The following ENAH variants were observed in gnomAD, a reference collection of about 807,000 sequenced individuals.
ENAH encodes the protein protein enabled homolog.
ENAH carries 23 observed loss-of-function variants against 78.7 expected under a neutral mutation model. The observed-to-expected ratio is 0.29, with a 90% CI of 0.21 to 0.41. The LOEUF is 0.41. Ranked by LOEUF, ENAH falls within the 10% of genes least tolerant of loss-of-function variation. ENAH has a pLI of 1.00. For missense variants in ENAH, 544 were observed against 691.0 expected, an observed-to-expected ratio of 0.79 and a Z score of 2.39; for synonymous variants, 226 against 241.0, an observed-to-expected ratio of 0.94 and a Z score of 0.58.
intron 4 of ENAH, among the ~76,000 whole-genome samples, chr1:225,520,910 AAGGAAGGG>A (rs2096461711): frequency 1.1e-3 from 120 of 111,350 alleles, no homozygotes; most frequent in African/African-American, 3.5e-3. Flanking sequence ...AAAAGAAGGG[AAGGAAGGG>A]AGGAAGGGAG....
rs1174928936 is a variant in ENAH at position 225,496,237 on chromosome 1, G to T, written c.*1538C>A. 6.6e-6 allele frequency: 1 copy of T among 152,382 alleles called. No homozygotes were observed. Among genetic ancestry groups the T allele is most frequent in the African/African-American group, 2.4e-5 (1 of 41,454 alleles). The allele number at this position is 152,382 out of a possible 1,614,324, so 9.4% of individuals were successfully genotyped here. A position where few individuals can be genotyped will look rare whatever the true frequency, so the allele number is the denominator to read the frequency against. ...CTATTTTAACCTTACCAGTTTCAAA[G>T]GAAAGAAAAGGGAGTGGCTTCCATA... is the stretch of plus-strand genomic sequence containing the variant. On this transcript the variant is annotated 3_prime_UTR_variant, in exon 14 of 14. Transcript: ENST00000366843.
rs535035689 is a variant in ENAH at position 225,519,528 on chromosome 1, G to A, written c.472C>T (p.Arg158Trp). 2.4e-5 allele frequency: 39 copies of A among 1,607,860 alleles called. No homozygotes were observed. Among genetic ancestry groups the A allele is most frequent in the Non-Finnish European group, 2.8e-5 (33 of 1,178,794 alleles). Reference sequence around the variant, plus strand: ...ATTCTTTCTCGCTCCAGCCTTTCCCGCTCCAGCTCCTTTTGCCGTTGCTGT... The same window carrying A: ...ATTCTTTCTCGCTCCAGCCTTTCCCACTCCAGCTCCTTTTGCCGTTGCTGT... ...QEQQRQKELE[R>W]ERLERERMER... is the part of the protein sequence containing the mutation. Residue 158 changes from arginine to tryptophan, a missense_variant, in exon 5 of 14, where the codon CGG becomes TGG. Physicochemically the swap from Arg to Trp is moderately radical, Grantham distance 101. This residue lies in a region of ENAH where 366 missense variants were observed against 396.1 expected (regional missense o/e 0.92). Coordinates refer to ENST00000366843, the MANE Select transcript of ENAH (RefSeq NM_018212.6).
chr1:225,632,968 C>T (rs1659367285), intron 1 of ENAH, among the ~76,000 whole-genome samples: 3 of 152,094 alleles, frequency 2.0e-5, no homozygotes, highest in South Asian at 2.1e-4. Flanking sequence ...TGGTGGCTTA[C>T]GGACTGGAAG....
chr1:225,565,991 A>G (rs1485634655), intron 2 of ENAH, among the ~76,000 whole-genome samples: 1 of 152,200 alleles, frequency 6.6e-6, no homozygotes, highest in Non-Finnish European at 1.5e-5. Context: ...CTTTCCACAG[A>G]TTGACTCAGA....
Position 225,514,705 on chromosome 1 carries a change from G to T in ENAH, c.1109C>A (p.Pro370Gln), listed in dbSNP as rs772926115. ...AAAGAATCCAGATGCAGGGAGGGGT[G>T]GGGCAGGAGGTGGTGGAGGAGGAGG... The part of the protein sequence containing the change: ...VPPPPPPPPA[P>Q]PLPASGFFLA... The change falls in exon 7 of 14, where the codon CCA becomes CAA. Residue 370 changes from proline to glutamine, a missense_variant. Pro to Gln is a moderately conservative substitution (Grantham distance 76, BLOSUM62 -1). Transcript: ENST00000366843. 1 of 1,590,502 alleles carries T rather than the reference G, an allele frequency of 6.3e-7. No individual in the cohort carries two copies. Among genetic ancestry groups the T allele is most frequent in the South Asian group, 1.1e-5 (1 of 90,378 alleles).
At chr1:225,501,259 G>T in intron 11 of ENAH, 189 bp from the exon 12 acceptor site, 1 of 481,820 alleles carries the variant, frequency 2.1e-6, no homozygotes, top group South Asian at 4.4e-5. Context: ...ACTTTTCTCA[G>T]TATTTCTTAT....
At chr1:225,627,911 A>G (rs528755754) in intron 1 of ENAH, among the ~76,000 whole-genome samples, 1 of 139,440 alleles carries the variant, frequency 7.2e-6, no homozygotes, top group Non-Finnish European at 1.6e-5. Flanking sequence ...ACCAACTTAT[A>G]AACATACACT....
At chr1:225,591,548 C>T (rs1023821575) in intron 1 of ENAH, among the ~76,000 whole-genome samples, 59 of 150,162 alleles carry the variant, frequency 3.9e-4, no homozygotes, top group African/African-American at 1.4e-3. Context: ...GGGCGGATCA[C>T]GAGGTCAGGA....
At chr1:225,536,705 A>C (rs1391962452) in intron 3 of ENAH, among the ~76,000 whole-genome samples, 1 of 152,066 alleles carries the variant, frequency 6.6e-6, no homozygotes, top group Non-Finnish European at 1.5e-5. Context: ...GTAATGTCTT[A>C]AATAAAAGAG....
Position 225,511,143 on chromosome 1 carries a change from T to A in ENAH, c.1471+668A>T, listed in dbSNP as rs1318569917. Among the ~76,000 whole-genome samples the A allele has an allele frequency of 2.0e-5, 3 of 152,344 alleles. No individual in the cohort carries two copies. In the East Asian group the frequency reaches 5.8e-4, roughly 29 times the overall value. ...GTTTCTTATGGACCACTCTAGATAT[T>A]AACTCATCAAGTTTATTTATGTCAT... On this transcript the variant is annotated intron_variant, in intron 10 of 13. Transcript: ENST00000366843.
At chr1:225,535,604 CG>C in intron 3 of ENAH, 2 of 1,195,552 alleles carry the variant, frequency 1.7e-6, no homozygotes, top group Non-Finnish European at 2.2e-6. Flanking sequence ...CGAAGGACAA[CG>C]GGGCCATCTG....
chr1:225,608,815 C>CAAAAAAAAAAAAAA lies in ENAH; in HGVS notation c.6-41415_6-41402dup, dbSNP rs928281132. ...TGGGCGACAGAGCGAGACTCTGTCT[C>CAAAAAAAAAAAAAA]AAAAAAAAAAAAAAAAAAAAAAAAA... On this transcript the variant is annotated intron_variant, in intron 1 of 13. Coordinates refer to ENST00000366843, the MANE Select transcript of ENAH (RefSeq NM_018212.6). 5.8e-4 allele frequency among the ~76,000 whole-genome samples: 12 copies of CAAAAAAAAAAAAAA among 20,668 alleles called. 1 individual carries two copies. The highest frequency in any genetic ancestry group is 1.8e-3 in the African/African-American group (11 of 6,066). The allele number at this position is 20,668 out of a possible 152,430, so 13.6% of individuals were successfully genotyped here.
At chr1:225,500,724 G>A (rs906272074) in intron 12 of ENAH, among the ~76,000 whole-genome samples, 9 of 152,046 alleles carry the variant, frequency 5.9e-5, no homozygotes, top group African/African-American at 2.2e-4. Context: ...TTACAACTGC[G>A]TACCATGCAC....
In ENAH at chr1:225,511,799, T is replaced by C. The variant is rs1168421177; in HGVS notation, c.1471+12A>G. ...AAGTTTATAAAGGTTAAAATATTTATCTTGAACTTACCAGGTGTACTTGTT... is the reference window on the plus strand; with the variant it reads ...AAGTTTATAAAGGTTAAAATATTTACCTTGAACTTACCAGGTGTACTTGTT... On this transcript the variant is annotated intron_variant, in intron 10 of 13. Coordinates refer to ENST00000366843, the MANE Select transcript of ENAH (RefSeq NM_018212.6). 1 of 1,590,962 alleles carries C rather than the reference T, an allele frequency of 6.3e-7. No individual in the cohort carries two copies. The highest frequency in any genetic ancestry group is 8.6e-7 in the Non-Finnish European group (1 of 1,162,786).
intron 3 of ENAH, chr1:225,531,026 A>G (rs570205382): frequency 6.2e-5 from 25 of 400,228 alleles, no homozygotes; most frequent in African/African-American, 3.1e-4. Flanking sequence ...TAAATGAAAA[A>G]TCAGAATTCA....
chr1:225,525,342 AG>A (rs889597660), intron 4 of ENAH, among the ~76,000 whole-genome samples: 4 of 152,318 alleles, frequency 2.6e-5, no homozygotes, highest in Admixed American at 6.5e-5. Context: ...TTTACTTTCT[AG>A]AACAATTTTT....
intron 1 of ENAH, among the ~76,000 whole-genome samples, chr1:225,645,591 C>G (rs1429629930): frequency 6.6e-6 from 1 of 152,140 alleles, no homozygotes; most frequent in Non-Finnish European, 1.5e-5. Flanking sequence ...TTTTGAGGAA[C>G]TGCCAAACTG....
chr1:225,569,993 T>G (rs1036794211), intron 1 of ENAH, among the ~76,000 whole-genome samples: 1 of 151,036 alleles, frequency 6.6e-6, no homozygotes, highest in Non-Finnish European at 1.5e-5. Context: ...ATCACCTGAG[T>G]TTAGGAATTC....
At chr1:225,547,877 G>A (rs566242192) in intron 3 of ENAH, among the ~76,000 whole-genome samples, 8 of 152,122 alleles carry the variant, frequency 5.3e-5, no homozygotes, top group East Asian at 1.9e-4. Flanking sequence ...ATATGTTCCC[G>A]GCTGCTCCAG....
Sources: gnomAD v4.1 joint callset for allele counts (sites outside exome capture counted in the v4.1 genomes callset) on GRCh38, gnomAD v4.1.1 for gene constraint, gnomAD v4.1.1 regional missense constraint, MANE v1.5 for transcripts, NCBI Gene and HGNC (gene_info 2026-07-23, HGNC 2026-07-21) for gene names.